Variants in TEKT5 observed in about 807,000 individuals in gnomAD.
TEKT5 encodes tektin 5, also known as tektin-5.
In TEKT5, 52 loss-of-function variants were observed where a neutral mutation model predicts 48.7. That is an observed-to-expected ratio of 1.07 (90% CI 0.86 to 1.35). The LOEUF is 1.35. Among genes scored for constraint, TEKT5 ranks in the 40% most tolerant of loss-of-function variants. The pLI, the probability that TEKT5 is intolerant of heterozygous loss-of-function variation, is 0.00. For missense variants in TEKT5, 831 were observed against 641.6 expected, an observed-to-expected ratio of 1.30 and a Z score of -3.19; for synonymous variants, 318 against 267.6, an observed-to-expected ratio of 1.19 and a Z score of -1.84.
chr16:10,691,944 T>C (rs1320588878), intron 1 of TEKT5, among the ~76,000 whole-genome samples: 2 of 109,914 alleles, frequency 1.8e-5, no homozygotes, highest in South Asian at 3.4e-4. Flanking sequence ...CGAGAGTCCA[T>C]CTCAAAAAAA....
At position 10,689,318 on chromosome 16, in the gene TEKT5, C is replaced by A. The variant is rs1567237070; in HGVS notation, c.654G>T (p.Val218=). The part of the protein sequence containing the change: ...DNVEKNLIRE[V]DLLKCCQEQM... ...GTTCTTGGCAACATTTTAGCAAATC[C>A]ACTTCCTGAAATGAAAAATGTCAGA... is the stretch of plus-strand genomic sequence containing the variant. The change falls in exon 3 of 7, where the codon GTG becomes GTT. Residue 218 remains valine, a synonymous_variant. Transcript: ENST00000283025. The A allele has an allele frequency of 6.2e-7, 1 of 1,613,218 alleles. No individual in the cohort carries two copies. Among genetic ancestry groups the A allele is most frequent in the Non-Finnish European group, 8.5e-7 (1 of 1,179,572 alleles).
Position 10,635,874 on chromosome 16 carries a change from C to T in TEKT5, c.1131G>A (p.Leu377=). ...IFQAENTIML[L]ERSIMAKEGP... is the part of the protein sequence containing the mutation. ...CCTCCTTGGCCATGATGGACCTTTC[C>T]AGCAGCATGATGGTGTTCTCGGCCT... Residue 377 remains leucine (L), a synonymous_variant, in exon 6 of 7, where the codon CTG becomes CTA. Transcript: ENST00000283025. 6.2e-7 allele frequency: 1 copy of T among 1,614,142 alleles called. No homozygotes were observed. Among genetic ancestry groups the T allele is most frequent in the Non-Finnish European group, 8.5e-7 (1 of 1,180,038 alleles).
intron 6 of TEKT5, among the ~76,000 whole-genome samples, chr16:10,635,519 G>C (rs775187606): frequency 2.2e-4 from 33 of 152,260 alleles, no homozygotes; most frequent in Non-Finnish European, 3.5e-4. Flanking sequence ...GTTTAGGCAA[G>C]TGAGAAGACC....
chr16:10,628,983 AAAGG>A (rs1256089048), intron 6 of TEKT5, among the ~76,000 whole-genome samples: 6 of 152,174 alleles, frequency 3.9e-5, no homozygotes, highest in Admixed American at 3.3e-4. Flanking sequence ...GATGCTAAAT[AAAGG>A]AAGCCAGACA....
chr16:10,681,326 G>A (rs1258587553), intron 4 of TEKT5, among the ~76,000 whole-genome samples: 5 of 152,060 alleles, frequency 3.3e-5, no homozygotes, highest in African/African-American at 7.2e-5. Context: ...CAGTGTTAGC[G>A]TAGAGGCTGG....
At chr16:10,668,060 T>A (rs1898489141) in intron 5 of TEKT5, among the ~76,000 whole-genome samples, 1 of 152,074 alleles carries the variant, frequency 6.6e-6, no homozygotes, top group African/African-American at 2.4e-5. Flanking sequence ...GTATTTTTAG[T>A]AGAAACGGAG....
intron 5 of TEKT5, among the ~76,000 whole-genome samples, chr16:10,669,740 G>A (rs1439233278): frequency 1.3e-5 from 2 of 150,342 alleles, no homozygotes; most frequent in African/African-American, 4.9e-5. Flanking sequence ...TACACATTAA[G>A]AGATCCCCCA....
chr16:10,684,924 G>T (rs112280619), intron 3 of TEKT5, among the ~76,000 whole-genome samples: 3,260 of 152,316 alleles, frequency 0.021, 109 homozygotes, highest in African/African-American at 0.073. Context: ...AGAAAACCAT[G>T]AGCCAAGAGC....
chr16:10,657,221 G>A (rs899901072), intron 5 of TEKT5, among the ~76,000 whole-genome samples: 2 of 151,600 alleles, frequency 1.3e-5, no homozygotes, highest in South Asian at 4.2e-4. Context: ...CGTTTGCCAG[G>A]TTCAAGCGAT....
chr16:10,653,441 T>C (rs146238188), intron 5 of TEKT5, among the ~76,000 whole-genome samples: 2 of 152,250 alleles, frequency 1.3e-5, no homozygotes, highest in Admixed American at 1.3e-4. Context: ...TTCACCTTCC[T>C]GAGCCTCTCT....
chr16:10,629,840 C>T (rs1897812059), intron 6 of TEKT5, among the ~76,000 whole-genome samples: 1 of 152,250 alleles, frequency 6.6e-6, no homozygotes, highest in Non-Finnish European at 1.5e-5. Context: ...GGTCTGGCGC[C>T]CCTTGCAGGA....
chr16:10,631,069 C>CATATAT (rs150668217), intron 6 of TEKT5, among the ~76,000 whole-genome samples: 2,526 of 145,208 alleles, frequency 0.017, 69 homozygotes, highest in African/African-American at 0.061. Flanking sequence ...TATCTATGTC[C>CATATAT]ATATATATAT....
At chr16:10,642,327 C>G (rs1898006495) in intron 5 of TEKT5, among the ~76,000 whole-genome samples, 1 of 152,180 alleles carries the variant, frequency 6.6e-6, no homozygotes, top group Non-Finnish European at 1.5e-5. Flanking sequence ...TCACTGTCCA[C>G]CAGGCCACAG....
chr16:10,686,868 G>T (rs1055978645), intron 3 of TEKT5, among the ~76,000 whole-genome samples: 1 of 152,102 alleles, frequency 6.6e-6, no homozygotes, highest in Non-Finnish European at 1.5e-5. Context: ...ATAAAGAAAA[G>T]GTGGCATGTA....
intron 5 of TEKT5, among the ~76,000 whole-genome samples, chr16:10,653,845 A>T (rs1898211293): frequency 6.6e-6 from 1 of 152,172 alleles, no homozygotes; most frequent in African/African-American, 2.4e-5. Flanking sequence ...CCTGGGAGGC[A>T]AAATTTGCAG....
Position 10,627,512 on chromosome 16 carries a change from ATACTGTTT to A in TEKT5, c.*63_*70del. On this transcript the variant is annotated 3_prime_UTR_variant, in exon 7 of 7. Coordinates refer to ENST00000283025, the MANE Select transcript of TEKT5 (RefSeq NM_144674.2). ...AAGAAAGTCGGCCCTTTCAAACAAA[ATACTGTTT>A]TACTTTGTTTCTCAGCCTTTTCCAA... The A allele has an allele frequency of 6.6e-7, 1 of 1,514,910 alleles. No individual in the cohort carries two copies. The highest frequency in any genetic ancestry group is 2.3e-5 in the East Asian group (1 of 43,762). The allele number at this position is 1,514,910 out of a possible 1,614,324, so 93.8% of individuals were successfully genotyped here.
chr16:10,652,492 A>ACACACC (rs1555465663), intron 5 of TEKT5, among the ~76,000 whole-genome samples: 5 of 122,994 alleles, frequency 4.1e-5, no homozygotes, highest in South Asian at 2.8e-4. Flanking sequence ...ACACACACAC[A>ACACACC]CACCCTCCAG....
chr16:10,681,878 A>G, intron 4 of TEKT5, 115 bp downstream of exon 4: 1 of 1,382,154 alleles, frequency 7.2e-7, no homozygotes, highest in South Asian at 1.3e-5. Flanking sequence ...CCGTTCAACC[A>G]TGCCACTTCC....
intron 5 of TEKT5, among the ~76,000 whole-genome samples, chr16:10,673,669 G>A (rs1213296268): frequency 4.0e-5 from 2 of 49,978 alleles, no homozygotes; most frequent in Non-Finnish European, 8.4e-5. Context: ...TTTTTTTTTT[G>A]AGACAGATTC....
Sources: allele counts gnomAD v4.1 joint callset (sites outside exome capture counted in the v4.1 genomes callset), GRCh38; gene constraint gnomAD v4.1.1; transcripts MANE v1.5; gene names NCBI Gene and HGNC (gene_info 2026-07-23, HGNC 2026-07-21).